Variants in PDE10A observed in about 807,000 individuals in gnomAD.
PDE10A encodes cAMP and cAMP-inhibited cGMP 3',5'-cyclic phosphodiesterase 10A.
A neutral mutation model predicts 97.7 loss-of-function variants in PDE10A; 39 were observed. The observed-to-expected ratio is 0.40, with a 90% CI of 0.31 to 0.52. The LOEUF is 0.52. Among genes scored for constraint, PDE10A ranks in the 20% least tolerant of loss-of-function variants. The pLI is 0.56. For missense variants in PDE10A, 731 were observed against 1,047.8 expected, an observed-to-expected ratio of 0.70 and a Z score of 4.17; for synonymous variants, 371 against 376.8, an observed-to-expected ratio of 0.98 and a Z score of 0.18.
chr6:165,736,120 T>A (rs1050483645), intron 1 of PDE10A, among the ~76,000 whole-genome samples: 2 of 152,216 alleles, frequency 1.3e-5, no homozygotes, highest in African/African-American at 2.4e-5. Context: ...AGTTGCAGGA[T>A]GTTCTTTAGT....
At chr6:165,487,780 C>T (rs527816599) in intron 2 of PDE10A, among the ~76,000 whole-genome samples, 54 of 152,078 alleles carry the variant, frequency 3.6e-4, no homozygotes, top group Non-Finnish European at 6.9e-4. Context: ...GAGAATACTG[C>T]CCCCTCCCAC....
chr6:165,839,783 T>TCCA (rs1780170177), intron 1 of PDE10A, among the ~76,000 whole-genome samples: 2 of 46,892 alleles, frequency 4.3e-5, no homozygotes, highest in Admixed American at 4.2e-4. Flanking sequence ...CATCTGCATC[T>TCCA]GTCTCCATCC....
At chr6:165,368,176 A>T (rs773224572) in intron 18 of PDE10A, among the ~76,000 whole-genome samples, 9 of 152,028 alleles carry the variant, frequency 5.9e-5, no homozygotes, top group Admixed American at 1.3e-4. Flanking sequence ...TTGTATTTTT[A>T]CTACAGATGG....
intron 1 of PDE10A, among the ~76,000 whole-genome samples, chr6:165,792,928 C>T (rs1342993967): frequency 6.6e-6 from 1 of 152,172 alleles, no homozygotes; most frequent in African/African-American, 2.4e-5. Flanking sequence ...CCTTTCCTGT[C>T]TGGTGGGGTC....
At chr6:165,340,902 G>A (rs895692515) in intron 19 of PDE10A, among the ~76,000 whole-genome samples, 4 of 152,312 alleles carry the variant, frequency 2.6e-5, no homozygotes, top group Admixed American at 6.5e-5. Flanking sequence ...AGCAGGGTAC[G>A]GATGGAATCC....
intron 1 of PDE10A, among the ~76,000 whole-genome samples, chr6:165,649,752 G>T (rs1030229608): frequency 5.3e-5 from 8 of 152,176 alleles, no homozygotes; most frequent in Admixed American, 3.9e-4. Context: ...GTCACTTGAG[G>T]CTACATTTGC....
rs1282550393 is a variant in PDE10A at position 165,864,144 on chromosome 6, T to C, written c.-615+123385A>G. Among the ~76,000 whole-genome samples, 14 of 151,158 alleles carry C rather than the reference T, an allele frequency of 9.3e-5. No individual in the cohort carries two copies. In the South Asian group the frequency reaches 2.7e-3, roughly 30 times the overall value. On this transcript the variant is annotated intron_variant, in intron 1 of 19. Coordinates refer to the PDE10A transcript ENST00000366882. ...ATCTATGCTTCGCTGTTCTGGCCCA[T>C]TTACTAAACAGCAGCCAGCCAGATC...
intron 1 of PDE10A, among the ~76,000 whole-genome samples, chr6:165,749,280 A>G (rs1465235618): frequency 7.3e-6 from 1 of 136,172 alleles, no homozygotes; most frequent in Non-Finnish European, 1.6e-5. Context: ...CATCACCATT[A>G]CCATCATCAC....
intron 12 of PDE10A, among the ~76,000 whole-genome samples, chr6:165,415,325 A>C (rs1189735926): frequency 6.6e-6 from 1 of 152,214 alleles, no homozygotes; most frequent in African/African-American, 2.4e-5. Context: ...TCAATTGATC[A>C]AATAACTGAA....
chr6:165,768,023 C>T (rs1410883413), intron 1 of PDE10A, among the ~76,000 whole-genome samples: 2 of 152,084 alleles, frequency 1.3e-5, no homozygotes, highest in South Asian at 4.2e-4. Context: ...TTTGTATTTC[C>T]GTAAAGACTG....
At chr6:165,792,475 A>T (rs1778685763) in intron 1 of PDE10A, among the ~76,000 whole-genome samples, 1 of 152,190 alleles carries the variant, frequency 6.6e-6, no homozygotes, top group Non-Finnish European at 1.5e-5. Context: ...TTCTCAGGGC[A>T]CTTGGTTCCC....
At chr6:165,656,828 CCTGT>C (rs750757078) in intron 1 of PDE10A, among the ~76,000 whole-genome samples, 6 of 152,180 alleles carry the variant, frequency 3.9e-5, no homozygotes, top group African/African-American at 9.7e-5. Context: ...CGCCCTACAG[CCTGT>C]CTGTGGGTGA....
At chr6:165,891,731 G>A (rs905840036) in intron 1 of PDE10A, among the ~76,000 whole-genome samples, 4 of 151,824 alleles carry the variant, frequency 2.6e-5, no homozygotes, top group Non-Finnish European at 5.9e-5. Flanking sequence ...TTTCTTCTTC[G>A]TTGACTGGAA....
chr6:165,921,211 C>T (rs1450596045), intron 1 of PDE10A, among the ~76,000 whole-genome samples: 1 of 152,220 alleles, frequency 6.6e-6, no homozygotes, highest in African/African-American at 2.4e-5. Context: ...GCCAGGGTCA[C>T]TAGGTTTCAG....
chr6:165,763,823 C>T (rs752544749), intron 1 of PDE10A, among the ~76,000 whole-genome samples: 2 of 152,178 alleles, frequency 1.3e-5, no homozygotes, highest in Non-Finnish European at 2.9e-5. Context: ...GCATAGGAAG[C>T]TTTTTGTACA....
intron 13 of PDE10A, among the ~76,000 whole-genome samples, chr6:165,410,930 T>C (rs1787718884): frequency 2.7e-5 from 1 of 37,492 alleles, no homozygotes; most frequent in Non-Finnish European, 4.6e-5. Context: ...CTACTAAAAA[T>C]ACAAAAAAAT....
At chr6:165,568,543 G>A (rs1784904166) in intron 1 of PDE10A, among the ~76,000 whole-genome samples, 2 of 152,156 alleles carry the variant, frequency 1.3e-5, no homozygotes, top group Non-Finnish European at 2.9e-5. Context: ...CCATGCTGTA[G>A]ACACTTCCCA....
chr6:165,884,203 G>A (rs1035186136), intron 1 of PDE10A, among the ~76,000 whole-genome samples: 1 of 152,242 alleles, frequency 6.6e-6, no homozygotes, highest in African/African-American at 2.4e-5. Flanking sequence ...TGGGGCACAC[G>A]TGGTGTCTGC....
intron 1 of PDE10A, among the ~76,000 whole-genome samples, chr6:165,864,435 A>G (rs1383605232): frequency 1.3e-5 from 2 of 152,240 alleles, no homozygotes; most frequent in Non-Finnish European, 2.9e-5. Flanking sequence ...AGAATGGGCA[A>G]AGGCCCTAAC....
Sources: gnomAD v4.1 joint callset for allele counts (sites outside exome capture counted in the v4.1 genomes callset) on GRCh38, gnomAD v4.1.1 for gene constraint, MANE v1.5 for transcripts, NCBI Gene and HGNC (gene_info 2026-07-23, HGNC 2026-07-21) for gene names.